The following DGKB variants were observed in gnomAD, a reference collection of about 807,000 sequenced individuals.
DGKB encodes the protein 90 kDa diacylglycerol kinase.
DGKB carries 67 observed loss-of-function variants against 114.3 expected under a neutral mutation model. That is an observed-to-expected ratio of 0.59 (90% CI 0.48 to 0.72). DGKB has a LOEUF of 0.72. DGKB is among the 30% of genes least tolerant of loss of function. DGKB has a pLI of 0.00. For missense variants in DGKB, 907 were observed against 975.2 expected, an observed-to-expected ratio of 0.93 and a Z score of 0.93; for synonymous variants, 398 against 323.1, an observed-to-expected ratio of 1.23 and a Z score of -2.49.
intron 20 of DGKB, among the ~76,000 whole-genome samples, chr7:14,573,824 T>C (rs950449969): frequency 6.6e-5 from 10 of 152,066 alleles, no homozygotes; most frequent in African/African-American, 2.4e-4. Flanking sequence ...ATAAAATGCA[T>C]CTCAAAGTAA....
intron 21 of DGKB, among the ~76,000 whole-genome samples, chr7:14,459,309 C>T (rs1202442982): frequency 6.6e-6 from 1 of 151,970 alleles, no homozygotes; most frequent in East Asian, 1.9e-4. Context: ...CTTGCTGGCT[C>T]TGAAGAGCAT....
At chr7:14,566,886 C>T (rs1320524131) in intron 20 of DGKB, among the ~76,000 whole-genome samples, 1 of 151,640 alleles carries the variant, frequency 6.6e-6, no homozygotes, top group East Asian at 1.9e-4. Flanking sequence ...AATGCATCCT[C>T]TTTATATAAG....
chr7:14,760,378 AGC>A (rs1186611785), intron 2 of DGKB, among the ~76,000 whole-genome samples: 3 of 152,148 alleles, frequency 2.0e-5, no homozygotes, highest in African/African-American at 7.2e-5. Context: ...AATTAATCAG[AGC>A]TATTCCTAAA....
At chr7:14,679,974 T>TA (rs1820547154) in intron 12 of DGKB, among the ~76,000 whole-genome samples, 1 of 152,014 alleles carries the variant, frequency 6.6e-6, no homozygotes, top group East Asian at 1.9e-4. Context: ...GAGAAACTGA[T>TA]AGAGTCTCCT....
intron 20 of DGKB, among the ~76,000 whole-genome samples, chr7:14,523,677 G>A (rs578038216): frequency 6.6e-6 from 1 of 152,032 alleles, no homozygotes; most frequent in Admixed American, 6.6e-5. Flanking sequence ...ATAATACAAT[G>A]TATTCTATTA....
At chr7:14,704,817 G>C (rs12381313) in intron 6 of DGKB, among the ~76,000 whole-genome samples, 218 of 144,806 alleles carry the variant, frequency 1.5e-3, no homozygotes, top group South Asian at 3.8e-3. Context: ...AAACCCATCT[G>C]TACATCACCA....
intron 20 of DGKB, among the ~76,000 whole-genome samples, chr7:14,501,073 C>T (rs930110675): frequency 6.6e-5 from 10 of 151,890 alleles, no homozygotes; most frequent in Admixed American, 6.6e-4. Flanking sequence ...TCCTGAGATA[C>T]TCCCAGAAAA....
chr7:14,294,461 G>T (rs561927277), intron 23 of DGKB, among the ~76,000 whole-genome samples: 2 of 152,112 alleles, frequency 1.3e-5, no homozygotes, highest in Non-Finnish European at 2.9e-5. Flanking sequence ...CCCAGTGATA[G>T]CCACTATGAT....
At chr7:14,183,210 G>A (rs1782897981) in intron 23 of DGKB, among the ~76,000 whole-genome samples, 1 of 152,134 alleles carries the variant, frequency 6.6e-6, no homozygotes, top group African/African-American at 2.4e-5. Flanking sequence ...ACTTTTAAAA[G>A]GCCAAGGAAC....
chr7:14,673,613 A>G (rs1819366543), intron 12 of DGKB, among the ~76,000 whole-genome samples: 2 of 152,096 alleles, frequency 1.3e-5, no homozygotes, highest in African/African-American at 4.8e-5. Context: ...TATCAGCTCA[A>G]CGTTAAGTTA....
At chr7:14,291,321 T>G (rs549759026) in intron 23 of DGKB, among the ~76,000 whole-genome samples, 41 of 152,104 alleles carry the variant, frequency 2.7e-4, no homozygotes, top group Non-Finnish European at 5.6e-4. Context: ...CTATTCAAAG[T>G]TAAGTATAGG....
At chr7:14,905,518 A>G, upstream of DGKB, among the ~76,000 whole-genome samples, 1 of 152,148 alleles carries the variant, frequency 6.6e-6, no homozygotes, top group African/African-American at 2.4e-5. Flanking sequence ...TCTGTTTATC[A>G]TTCATCAATC....
chr7:14,200,836 T>C (rs942691197), intron 23 of DGKB, among the ~76,000 whole-genome samples: 3 of 151,960 alleles, frequency 2.0e-5, no homozygotes, highest in African/African-American at 7.2e-5. Context: ...AGAGTTGGGA[T>C]TGTAGAAGCT....
intron 23 of DGKB, among the ~76,000 whole-genome samples, chr7:14,286,940 C>T (rs1035586683): frequency 2.0e-5 from 3 of 152,068 alleles, no homozygotes; most frequent in Non-Finnish European, 4.4e-5. Context: ...CATTACCTTT[C>T]CTATTGGTCA....
intron 2 of DGKB, among the ~76,000 whole-genome samples, chr7:14,822,161 C>A (rs1164307907): frequency 6.6e-6 from 1 of 152,004 alleles, no homozygotes; most frequent in Non-Finnish European, 1.5e-5. Flanking sequence ...AGTGAGCCAT[C>A]CAATTGAAGA....
At chr7:14,645,367 G>A (rs1812736886) in intron 13 of DGKB, among the ~76,000 whole-genome samples, 1 of 152,066 alleles carries the variant, frequency 6.6e-6, no homozygotes, top group African/African-American at 2.4e-5. Context: ...TGCTTGCTGA[G>A]CTATAGGTGG....
At chr7:14,562,893 G>A (rs1007208251) in intron 20 of DGKB, among the ~76,000 whole-genome samples, 1 of 152,170 alleles carries the variant, frequency 6.6e-6, no homozygotes, top group African/African-American at 2.4e-5. Context: ...TTTGAAATGT[G>A]AGGATAGGAG....
In DGKB at chr7:14,251,812, T is replaced by C. The variant is rs1795283574; in HGVS notation, c.2123-73661A>G. On this transcript the variant is annotated intron_variant, in intron 23 of 25. Transcript: ENST00000402815. The stretch of plus-strand genomic sequence containing the variant: ...CTTTTATCTTTTGTTTTTATCTCAT[T>C]TGATATGTCACATCTCCTTTCCTGG... 1.3e-5 allele frequency among the ~76,000 whole-genome samples: 2 copies of C among 152,200 alleles called. 1 individual carries two copies. The highest frequency in any genetic ancestry group is 4.1e-4 in the South Asian group (2 of 4,832).
At chr7:14,411,028 T>G (rs982104347) in intron 21 of DGKB, among the ~76,000 whole-genome samples, 6 of 152,170 alleles carry the variant, frequency 3.9e-5, no homozygotes, top group African/African-American at 9.6e-5. Context: ...GTTAGTGATA[T>G]GCAATACCCC....
Sources: allele counts gnomAD v4.1 joint callset (sites outside exome capture counted in the v4.1 genomes callset), GRCh38; gene constraint gnomAD v4.1.1; transcripts MANE v1.5; gene names NCBI Gene and HGNC (gene_info 2026-07-23, HGNC 2026-07-21).